LRP1B: variants seen among roughly 807,000 people sequenced by gnomAD.
LRP1B encodes the protein low-density lipoprotein receptor-related protein 1B.
LRP1B carries 217 observed loss-of-function variants against 556.6 expected under a neutral mutation model. That is an observed-to-expected ratio of 0.39 (90% CI 0.35 to 0.44). The LOEUF (loss-of-function observed/expected upper bound fraction) is 0.44, where lower values mean the gene tolerates loss of function less well. LRP1B is among the 20% of genes least tolerant of loss of function. The pLI is 1.00. For missense variants in LRP1B, 5,053 were observed against 5,620.8 expected (o/e 0.90, Z 3.23); for synonymous variants, 2,047 against 1,865.8 (o/e 1.10, Z -2.50).
intron 3 of LRP1B, among the ~76,000 whole-genome samples, chr2:141,383,038 A>G (rs1011138937): frequency 3.0e-4 from 46 of 152,120 alleles, no homozygotes; most frequent in Admixed American, 1.6e-3. Context: ...CAAGAAAACA[A>G]TCTGATTTTA....
chr2:141,270,482 C>G (rs988697169), intron 3 of LRP1B, among the ~76,000 whole-genome samples: 5 of 152,034 alleles, frequency 3.3e-5, no homozygotes, highest in African/African-American at 1.2e-4. Flanking sequence ...TTTGTACAAC[C>G]ATGCCCATAG....
intron 3 of LRP1B, among the ~76,000 whole-genome samples, chr2:141,327,429 C>T (rs1331940347): frequency 6.6e-6 from 1 of 151,988 alleles, no homozygotes. Flanking sequence ...GTATTTACTG[C>T]TCAAAAGAGC....
At chr2:140,995,656 C>T (rs1200235005) in intron 15 of LRP1B, among the ~76,000 whole-genome samples, 2 of 151,916 alleles carry the variant, frequency 1.3e-5, no homozygotes, top group Non-Finnish European at 2.9e-5. Context: ...TGCAATAGCA[C>T]ACAGCTTTGA....
chr2:141,747,574 C>A (rs1269809893), intron 2 of LRP1B, among the ~76,000 whole-genome samples: 1 of 152,076 alleles, frequency 6.6e-6, no homozygotes, highest in Non-Finnish European at 1.5e-5. Flanking sequence ...GACTTTGAAG[C>A]TGCAGTGTGC....
chr2:140,326,028 T>TTAGAAAAAGTAACTCAG (rs1296685381), intron 79 of LRP1B, 150 bp from the exon 80 acceptor site: 2 of 594,952 alleles, frequency 3.4e-6, no homozygotes, highest in Non-Finnish European at 6.0e-6. Flanking sequence ...ACTGTAGAAA[T>TTAGAAAAAGTAACTCAG]TAGAAAAAGT....
intron 41 of LRP1B, among the ~76,000 whole-genome samples, chr2:140,659,338 T>C (rs1685011188): frequency 1.3e-5 from 2 of 151,928 alleles, no homozygotes; most frequent in Non-Finnish European, 2.9e-5. Flanking sequence ...CCTGTGTACA[T>C]AAGCGTTGTA....
At chr2:141,629,092 G>A (rs1459815006) in intron 2 of LRP1B, among the ~76,000 whole-genome samples, 1 of 152,088 alleles carries the variant, frequency 6.6e-6, no homozygotes, top group East Asian at 1.9e-4. Flanking sequence ...GATCTCTAAG[G>A]GCTATTTTTT....
chr2:140,653,734 T>G (rs16844395), intron 41 of LRP1B, among the ~76,000 whole-genome samples: 11,132 of 151,946 alleles, frequency 0.073, 513 homozygotes, highest in East Asian at 0.18. Context: ...ACTAAAAGAC[T>G]TTAACTATGG....
At position 140,824,055 on chromosome 2, in the gene LRP1B, A is replaced by G. The variant is rs74891208; in HGVS notation, c.5210-10249T>C. Among the ~76,000 whole-genome samples, 1,012 of 152,084 alleles carry G rather than the reference A, an allele frequency of 6.7e-3. 15 individuals carry two copies. Among genetic ancestry groups the G allele is most frequent in the African/African-American group, 0.022 (933 of 41,544 alleles). ...AAACCTCAATGACATGAGTTTACCTATGTAACAAACCTTCACATGTACCTC... is the reference window on the plus strand; with the variant it reads ...AAACCTCAATGACATGAGTTTACCTGTGTAACAAACCTTCACATGTACCTC... On this transcript the variant is annotated intron_variant, in intron 31 of 90. Coordinates refer to ENST00000389484, the MANE Select transcript of LRP1B (RefSeq NM_018557.3).
chr2:141,480,157 A>ATT (rs1298473389), intron 3 of LRP1B, among the ~76,000 whole-genome samples: 180 of 109,162 alleles, frequency 1.6e-3, no homozygotes, highest in African/African-American at 6.2e-3. Flanking sequence ...CAAAGTCTAA[A>ATT]TTTGTGTGTG....
At chr2:141,613,595 AC>A in intron 2 of LRP1B, among the ~76,000 whole-genome samples, 1 of 152,284 alleles carries the variant, frequency 6.6e-6, no homozygotes, top group South Asian at 2.1e-4. Flanking sequence ...CAACTTGGAC[AC>A]TTTACATTGG....
In LRP1B at chr2:140,686,314, T is replaced by A. The variant is rs186906829; in HGVS notation, c.6799+13936A>T. ...TTTTAGGAACTAACTCAATTAAGTG[T>A]TGTTCATGATATATAGAAAACTCCA... On this transcript the variant is annotated intron_variant, in intron 41 of 90. Coordinates refer to ENST00000389484, the MANE Select transcript of LRP1B (RefSeq NM_018557.3). Among the ~76,000 whole-genome samples the A allele has an allele frequency of 4.8e-3, 732 of 152,126 alleles. 7 individuals are homozygous for A. The highest frequency in any genetic ancestry group is 0.018 in the South Asian group (86 of 4,824).
intron 71 of LRP1B, among the ~76,000 whole-genome samples, chr2:140,368,275 CAAT>C (rs1682851275): frequency 6.6e-6 from 1 of 151,662 alleles, no homozygotes; most frequent in Admixed American, 6.6e-5. Flanking sequence ...TATGAATTAA[CAAT>C]AATACATCTA....
intron 20 of LRP1B, among the ~76,000 whole-genome samples, chr2:140,930,529 CA>C (rs1695019065): frequency 6.6e-6 from 1 of 151,990 alleles, no homozygotes; most frequent in Non-Finnish European, 1.5e-5. Flanking sequence ...TATTTTTATT[CA>C]GAATATACTT....
At chr2:141,306,068 T>C (rs913829260) in intron 3 of LRP1B, among the ~76,000 whole-genome samples, 1 of 152,026 alleles carries the variant, frequency 6.6e-6, no homozygotes, top group Admixed American at 6.5e-5. Flanking sequence ...TGTATCTTTG[T>C]CTGGTTTTGG....
intron 1 of LRP1B, among the ~76,000 whole-genome samples, chr2:142,099,314 G>T (rs1246883374): frequency 6.6e-6 from 1 of 151,792 alleles, no homozygotes; most frequent in Non-Finnish European, 1.5e-5. Context: ...TAATCTAATT[G>T]CAACAGTAGT....
chr2:140,233,483 A>C (rs1273575109), intron 90 of LRP1B, among the ~76,000 whole-genome samples, 157 bp from the exon 91 acceptor site: 1 of 151,292 alleles, frequency 6.6e-6, no homozygotes, highest in East Asian at 2.0e-4. Flanking sequence ...TACATGTTAC[A>C]TTTACAGACT....
chr2:140,689,956 C>T (rs1275898538), intron 41 of LRP1B, among the ~76,000 whole-genome samples: 1 of 152,146 alleles, frequency 6.6e-6, no homozygotes, highest in Non-Finnish European at 1.5e-5. Flanking sequence ...AGCTTTATGT[C>T]TTGTTATGGT....
At chr2:141,157,954 T>A (rs575798773) in intron 7 of LRP1B, among the ~76,000 whole-genome samples, 30 of 152,154 alleles carry the variant, frequency 2.0e-4, no homozygotes, top group Non-Finnish European at 4.0e-4. Context: ...GCATGTATTT[T>A]GCTTGTTTAG....
Sources: allele counts gnomAD v4.1 joint callset (sites outside exome capture counted in the v4.1 genomes callset), GRCh38; gene constraint gnomAD v4.1.1; transcripts MANE v1.5; gene names NCBI Gene and HGNC (gene_info 2026-07-23, HGNC 2026-07-21).